AK9: variants seen among roughly 807,000 people sequenced by gnomAD.
AK9 encodes adenylate kinase 9.
A neutral mutation model predicts 239.6 loss-of-function variants in AK9; 191 were observed. The ratio of observed to expected loss-of-function variants is 0.80; its 90% confidence interval spans 0.71 to 0.90. AK9 has a LOEUF of 0.90. Among genes scored for constraint, AK9 ranks in the 40% least tolerant of loss-of-function variants. The probability of loss-of-function intolerance (pLI) is 0.00; values close to 1 mark genes in which losing one functional copy is unlikely to be tolerated. For missense variants in AK9, 1,995 were observed against 2,214.7 expected, an observed-to-expected ratio of 0.90 and a Z score of 1.99; for synonymous variants, 689 against 721.0, an observed-to-expected ratio of 0.96 and a Z score of 0.71.
At chr6:109,664,426 A>T (rs1057135762) in intron 5 of AK9, among the ~76,000 whole-genome samples, 2 of 151,696 alleles carry the variant, frequency 1.3e-5, no homozygotes, top group African/African-American at 2.4e-5. Context: ...TTTTATTTTT[A>T]TTTATTTATT....
intron 5 of AK9, among the ~76,000 whole-genome samples, chr6:109,664,739 A>T (rs1356275476): frequency 1.3e-5 from 2 of 151,048 alleles, no homozygotes; most frequent in Non-Finnish European, 3.0e-5. Flanking sequence ...TTTTATTTTT[A>T]AAAAAGAAGA....
chr6:109,656,727 T>G (rs1010130244), intron 8 of AK9, 29 bp downstream of exon 8: 5 of 1,545,396 alleles, frequency 3.2e-6, no homozygotes, highest in Admixed American at 3.6e-5. Context: ...ATATCAATAT[T>G]CATTTTCAGC....
intron 17 of AK9, among the ~76,000 whole-genome samples, chr6:109,604,233 T>C (rs759828039): frequency 2.0e-5 from 3 of 152,196 alleles, no homozygotes; most frequent in Non-Finnish European, 2.9e-5. Context: ...AATTTTTTTA[T>C]AGAGAGTTGG....
intron 5 of AK9, among the ~76,000 whole-genome samples, chr6:109,668,182 G>A (rs1801526231): frequency 6.6e-6 from 1 of 152,006 alleles, no homozygotes; most frequent in Admixed American, 6.6e-5. Flanking sequence ...TGTGTCTGTT[G>A]GCTGCAGAAA....
chr6:109,541,969 G>T, intron 27 of AK9, 78 bp downstream of exon 27: 1 of 1,259,174 alleles, frequency 7.9e-7, no homozygotes. Context: ...TTAAATGTAT[G>T]TTAAACTACA....
At chr6:109,547,173 C>A (rs1419182649) in intron 25 of AK9, among the ~76,000 whole-genome samples, 1 of 152,178 alleles carries the variant, frequency 6.6e-6, no homozygotes, top group Non-Finnish European at 1.5e-5. Flanking sequence ...CATCCACATA[C>A]TTCAGTAGTC....
At chr6:109,615,940 T>C (rs1794132570) in intron 13 of AK9, among the ~76,000 whole-genome samples, 1 of 151,898 alleles carries the variant, frequency 6.6e-6, no homozygotes, top group African/African-American at 2.4e-5. Flanking sequence ...AAAAAAATGT[T>C]ATAAGAATAA....
intron 17 of AK9, among the ~76,000 whole-genome samples, chr6:109,607,771 G>GTA (rs1793080084): frequency 6.8e-6 from 1 of 146,818 alleles, no homozygotes; most frequent in African/African-American, 2.5e-5. Flanking sequence ...GCAGAGGGGT[G>GTA]TGTGTGTGTG....
intron 21 of AK9, among the ~76,000 whole-genome samples, chr6:109,573,094 A>G (rs1417199563): frequency 6.6e-6 from 1 of 152,246 alleles, no homozygotes; most frequent in African/African-American, 2.4e-5. Flanking sequence ...AACATTAAAT[A>G]GCAAACAAAA....
At chr6:109,621,907 AAAAAAC>A (rs1794877467) in intron 12 of AK9, among the ~76,000 whole-genome samples, 1 of 40,012 alleles carries the variant, frequency 2.5e-5, no homozygotes, top group African/African-American at 5.3e-5. Context: ...AAAAAAAAAA[AAAAAAC>A]AAAAAAAAAA....
At chr6:109,506,252 A>G (rs1164235552) in intron 35 of AK9, 75 bp downstream of exon 35, 15 of 1,368,284 alleles carry the variant, frequency 1.1e-5, no homozygotes, top group Non-Finnish European at 1.3e-5. Flanking sequence ...AATGGAATGA[A>G]TTACAGTAAC....
rs956087872 is a variant in AK9 at position 109,539,248 on chromosome 6, C to A, written c.3350+2799G>T. Among the ~76,000 whole-genome samples, 402 of 152,290 alleles carry A rather than the reference C, an allele frequency of 2.6e-3. 1 individual carries two copies. The highest frequency in any genetic ancestry group is 4.5e-3 in the Non-Finnish European group (303 of 68,014). On this transcript the variant is annotated intron_variant, in intron 27 of 40. Coordinates refer to ENST00000424296, the MANE Select transcript of AK9 (RefSeq NM_001145128.3). ...GTCACTTTCAGGTACACCAATCAGACGTAGATTTGGTCTTTTCACATAGTC... is the reference window on the plus strand; with the variant it reads ...GTCACTTTCAGGTACACCAATCAGAAGTAGATTTGGTCTTTTCACATAGTC...
Position 109,533,679 on chromosome 6 carries a change from T to C in AK9, c.3351-209A>G, listed in dbSNP as rs149584794. 1.8e-3 allele frequency among the ~76,000 whole-genome samples: 281 copies of C among 152,280 alleles called. 8 individuals carry two copies. The East Asian group carries it at 0.048, about 26-fold the overall frequency. On this transcript the variant is annotated intron_variant, in intron 27 of 40. Coordinates refer to ENST00000424296, the MANE Select transcript of AK9 (RefSeq NM_001145128.3). ...ATAAATATCAACTATCTGTATGTAA[T>C]GAATAGTTTAAAAATTTACTCTTTT...
chr6:109,654,981 A>G (rs1799485195), intron 8 of AK9, among the ~76,000 whole-genome samples: 1 of 152,166 alleles, frequency 6.6e-6, no homozygotes, highest in Admixed American at 6.5e-5. Flanking sequence ...CCCTCAACAT[A>G]TAAGGCAATT....
intron 12 of AK9, among the ~76,000 whole-genome samples, chr6:109,624,010 C>T (rs1423101983): frequency 4.0e-5 from 6 of 151,544 alleles, no homozygotes; most frequent in African/African-American, 1.2e-4. Flanking sequence ...CAATTACTCA[C>T]AATTACGTAG....
intron 35 of AK9, among the ~76,000 whole-genome samples, chr6:109,500,302 G>T (rs2115420714): frequency 6.6e-6 from 1 of 152,180 alleles, no homozygotes; most frequent in South Asian, 2.1e-4. Context: ...TTCCTTTAAT[G>T]AACAAGATTA....
intron 32 of AK9, 123 bp downstream of exon 32, chr6:109,514,101 A>T (rs2128113297): frequency 2.2e-6 from 2 of 911,152 alleles, no homozygotes; most frequent in Non-Finnish European, 3.3e-6. Context: ...TCACTCAGCC[A>T]CCCTACGATT....
intron 5 of AK9, among the ~76,000 whole-genome samples, chr6:109,664,798 G>C (rs1281524072): frequency 6.6e-6 from 1 of 151,836 alleles, no homozygotes; most frequent in Non-Finnish European, 1.5e-5. Context: ...ACTTTCGGAG[G>C]CCGAGGAGGG....
intron 1 of AK9, among the ~76,000 whole-genome samples, chr6:109,681,057 G>C (rs748572265): frequency 1.3e-5 from 2 of 152,056 alleles, no homozygotes; most frequent in Non-Finnish European, 2.9e-5. Context: ...CAAAACAGCC[G>C]GCTAGCATCA....
Sources: allele counts gnomAD v4.1 joint callset (sites outside exome capture counted in the v4.1 genomes callset), GRCh38; gene constraint gnomAD v4.1.1; transcripts MANE v1.5; gene names NCBI Gene and HGNC (gene_info 2026-07-23, HGNC 2026-07-21).